OLFM3: variants seen among roughly 807,000 people sequenced by gnomAD.
OLFM3 encodes noelin-3.
In OLFM3, 20 loss-of-function variants were observed where a neutral mutation model predicts 48.6. The observed-to-expected ratio is 0.41, with a 90% confidence interval of 0.29 to 0.60. The LOEUF is 0.60. OLFM3 is among the 20% of genes least tolerant of loss of function. OLFM3 has a pLI of 0.28. For synonymous variants in OLFM3, 222 were observed against 198.1 expected (o/e 1.12, Z -1.01); for missense variants, 437 against 544.3 (o/e 0.80, Z 1.96).
At chr1:101,864,679 C>T (rs1273707870) in intron 1 of OLFM3, among the ~76,000 whole-genome samples, 2 of 152,050 alleles carry the variant, frequency 1.3e-5, no homozygotes, top group East Asian at 3.9e-4. Context: ...GCACCATGAT[C>T]AGGAGTCTCC....
At chr1:101,955,350 A>G (rs1164919489) in intron 1 of OLFM3, among the ~76,000 whole-genome samples, 1 of 152,022 alleles carries the variant, frequency 6.6e-6, no homozygotes, top group Non-Finnish European at 1.5e-5. Flanking sequence ...ATTATGATAT[A>G]TCTAATTCTT....
At chr1:101,843,677 C>A (rs1024172720) in intron 1 of OLFM3, among the ~76,000 whole-genome samples, 6 of 152,168 alleles carry the variant, frequency 3.9e-5, no homozygotes, top group Non-Finnish European at 8.8e-5. Context: ...CCCCTTTCAG[C>A]TTTTGAGATA....
At chr1:101,920,147 T>C (rs1056320566) in intron 1 of OLFM3, among the ~76,000 whole-genome samples, 1 of 151,782 alleles carries the variant, frequency 6.6e-6, no homozygotes, top group Non-Finnish European at 1.5e-5. Flanking sequence ...GTCTCTCTGT[T>C]TGTGTTGCTT....
intron 1 of OLFM3, among the ~76,000 whole-genome samples, chr1:101,837,368 T>C (rs982965067): frequency 2.6e-5 from 4 of 152,130 alleles, no homozygotes; most frequent in African/African-American, 9.7e-5. Context: ...TGACTCGTCT[T>C]TCTACATAAG....
rs1658259724 is a variant in OLFM3, at chr1:101,897,949, A to G, written c.70-60924T>C. ...AAAATTTCTTATAAGTCATATAAACAATTAATATGTTTTGACTGAGGATTG... is the reference window on the plus strand; with the variant it reads ...AAAATTTCTTATAAGTCATATAAACGATTAATATGTTTTGACTGAGGATTG... On this transcript the variant is annotated intron_variant, in intron 1 of 5. Coordinates refer to ENST00000370103, the MANE Select transcript of OLFM3 (RefSeq NM_058170.4). Among the ~76,000 whole-genome samples, 3 of 152,104 alleles carry G rather than the reference A, an allele frequency of 2.0e-5. No homozygotes were observed. The South Asian group carries it at 6.2e-4, about 32-fold the overall frequency.
intron 1 of OLFM3, among the ~76,000 whole-genome samples, chr1:101,881,928 T>G (rs1351447037): frequency 6.6e-6 from 1 of 151,780 alleles, no homozygotes; most frequent in Admixed American, 6.6e-5. Flanking sequence ...GCCTGTAGGG[T>G]GTACTGTATG....
At chr1:101,893,229 A>G in intron 1 of OLFM3, 1 of 293,774 alleles carries the variant, frequency 3.4e-6, no homozygotes, top group South Asian at 3.9e-5. Context: ...GCTTTGTGAC[A>G]GGTGTGAAGA....
At chr1:101,932,528 C>A (rs926770599) in intron 1 of OLFM3, among the ~76,000 whole-genome samples, 2 of 152,176 alleles carry the variant, frequency 1.3e-5, no homozygotes, top group Admixed American at 6.5e-5. Context: ...CATTCCTAAA[C>A]CCTGGTGACA....
Position 101,803,765 on chromosome 1 carries a change from C to T in OLFM3, c.*473G>A, listed in dbSNP as rs1653609482. The T allele has an allele frequency of 6.6e-6, 1 of 152,218 alleles. No homozygotes were observed. The highest frequency in any genetic ancestry group is 1.9e-4 in the East Asian group (1 of 5,150). The allele number at this position is 152,218 out of a possible 1,614,324, so 9.4% of individuals were successfully genotyped here. ...CAGCAAAATGATTAATATTATTTTT[C>T]AATATAAATGAAATCCTTACATTTT... On this transcript the variant is annotated 3_prime_UTR_variant, in exon 6 of 6. Transcript: ENST00000370103.
At chr1:101,871,747 A>G (rs1025831101) in intron 1 of OLFM3, among the ~76,000 whole-genome samples, 1 of 151,616 alleles carries the variant, frequency 6.6e-6, no homozygotes, top group Non-Finnish European at 1.5e-5. Flanking sequence ...ATGATTTATA[A>G]TATTATTAAA....
At chr1:101,864,070 G>A (rs561121125) in intron 1 of OLFM3, among the ~76,000 whole-genome samples, 19 of 152,026 alleles carry the variant, frequency 1.2e-4, no homozygotes, top group Non-Finnish European at 2.4e-4. Flanking sequence ...CTTTAGTTTC[G>A]AATTTAGCCC....
intron 1 of OLFM3, among the ~76,000 whole-genome samples, chr1:101,957,113 C>T (rs972551140): frequency 2.6e-5 from 4 of 151,928 alleles, no homozygotes; most frequent in African/African-American, 9.7e-5. Flanking sequence ...TTCCACAAGA[C>T]CTCTCTTGGT....
At chr1:101,859,039 A>T (rs1240528476) in intron 1 of OLFM3, among the ~76,000 whole-genome samples, 1 of 152,072 alleles carries the variant, frequency 6.6e-6, no homozygotes. Flanking sequence ...AGCATGTGAA[A>T]ACTCATTTCT....
intron 1 of OLFM3, among the ~76,000 whole-genome samples, chr1:101,985,895 T>A (rs1418397410): frequency 6.6e-6 from 1 of 152,112 alleles, no homozygotes. Context: ...AATATACATT[T>A]TTACCTTTAA....
chr1:101,910,335 G>A (rs10782860), intron 1 of OLFM3, among the ~76,000 whole-genome samples: 47,391 of 151,660 alleles, frequency 0.31, 7,514 homozygotes, highest in East Asian at 0.38. Flanking sequence ...GCGTGGTAGC[G>A]GGCGCCTGTA....
chr1:101,804,092 A>T lies in OLFM3; in HGVS notation c.*146T>A, dbSNP rs1653636177. Reference sequence around the variant, plus strand: ...CATGGTAAGTTAGACAAGCTCAGCTATGTTTTTGAAACACCAACTTTACAA... The same window carrying T: ...CATGGTAAGTTAGACAAGCTCAGCTTTGTTTTTGAAACACCAACTTTACAA... On this transcript the variant is annotated 3_prime_UTR_variant, in exon 6 of 6. Transcript: ENST00000370103. This position sits in a 1 kb window ranked among gnomAD's most constrained non-coding sequence, Gnocchi z 4.5. 1.7e-6 allele frequency: 1 copy of T among 599,100 alleles called. No individual in the cohort carries two copies. The highest frequency in any genetic ancestry group is 2.8e-6 in the Non-Finnish European group (1 of 363,618). 37.1% of individuals were successfully genotyped at this position (599,100 alleles called of 1,614,324 possible). A position where few individuals can be genotyped will look rare whatever the true frequency, so the allele number is the denominator to read the frequency against.
intron 1 of OLFM3, among the ~76,000 whole-genome samples, chr1:101,870,316 C>A (rs1174472170): frequency 6.6e-6 from 1 of 152,124 alleles, no homozygotes. Flanking sequence ...ACATCATGCT[C>A]ACCTTTCTCC....
chr1:101,936,370 A>G (rs1470316152), intron 1 of OLFM3, among the ~76,000 whole-genome samples: 3 of 152,120 alleles, frequency 2.0e-5, no homozygotes, highest in East Asian at 3.9e-4. Context: ...TACAATAGCC[A>G]CAAAAAGAAT....
At chr1:101,985,750 G>A (rs1025757512) in intron 1 of OLFM3, among the ~76,000 whole-genome samples, 1 of 152,070 alleles carries the variant, frequency 6.6e-6, no homozygotes, top group Non-Finnish European at 1.5e-5. Context: ...TCTTAAATAA[G>A]CCATAGTGCT....
Sources: allele counts gnomAD v4.1 joint callset (sites outside exome capture counted in the v4.1 genomes callset), GRCh38; gene constraint gnomAD v4.1.1; non-coding constraint Gnocchi (gnomAD v3.1); transcripts MANE v1.5; gene names NCBI Gene and HGNC (gene_info 2026-07-23, HGNC 2026-07-21).